SLC8A1: variants seen among roughly 807,000 people sequenced by gnomAD.
The protein encoded by SLC8A1 is solute carrier family 8 member A1.
In SLC8A1, 18 loss-of-function variants were observed where a neutral mutation model predicts 68.3. The ratio of observed to expected loss-of-function variants is 0.26; its 90% CI spans 0.18 to 0.39. The LOEUF (loss-of-function observed/expected upper bound fraction) is 0.39, where lower values mean the gene tolerates loss of function less well. SLC8A1 is among the 10% of genes least tolerant of loss of function. The pLI is 1.00. For synonymous variants in SLC8A1, 475 were observed against 415.5 expected (o/e 1.14, Z -1.74); for missense variants, 985 against 1,156.7 (o/e 0.85, Z 2.15).
intron 1 of SLC8A1, among the ~76,000 whole-genome samples, chr2:40,436,880 A>G (rs1447472457): frequency 6.6e-6 from 1 of 152,160 alleles, no homozygotes; most frequent in Non-Finnish European, 1.5e-5. Context: ...GAAGTTAGCC[A>G]GGTTTGTCCT....
At chr2:40,137,950 A>C (rs1484849337) in intron 7 of SLC8A1, among the ~76,000 whole-genome samples, 1 of 152,122 alleles carries the variant, frequency 6.6e-6, no homozygotes, top group African/African-American at 2.4e-5. Flanking sequence ...TGGATACTTC[A>C]TCCATGGTTA....
intron 2 of SLC8A1, among the ~76,000 whole-genome samples, chr2:40,249,115 C>T (rs1226346039): frequency 6.6e-6 from 1 of 152,148 alleles, no homozygotes; most frequent in African/African-American, 2.4e-5. Flanking sequence ...GTTTGAAGTT[C>T]ATCAAGTTCA....
chr2:40,457,028 G>A (rs1703063737), upstream of SLC8A1, among the ~76,000 whole-genome samples: 1 of 152,070 alleles, frequency 6.6e-6, no homozygotes, highest in South Asian at 2.1e-4. Context: ...CAATAATTCT[G>A]TTCCCTTATG....
chr2:40,142,412 G>C (rs1468550905), intron 6 of SLC8A1, among the ~76,000 whole-genome samples: 1 of 152,098 alleles, frequency 6.6e-6, no homozygotes, highest in African/African-American at 2.4e-5. Flanking sequence ...AGGTTTTCTA[G>C]TTATATTTAT....
At chr2:40,264,084 A>T (rs2065047952) in intron 2 of SLC8A1, among the ~76,000 whole-genome samples, 2 of 152,210 alleles carry the variant, frequency 1.3e-5, no homozygotes, top group African/African-American at 4.8e-5. Context: ...ATGCAGCCAG[A>T]AGACACATGA....
intron 1 of SLC8A1, among the ~76,000 whole-genome samples, chr2:40,440,367 A>T (rs1306044432): frequency 6.6e-6 from 1 of 152,200 alleles, no homozygotes; most frequent in African/African-American, 2.4e-5. Context: ...CTGGAGGAAG[A>T]AATTCTATTT....
At chr2:40,299,596 C>T (rs1246496915) in intron 2 of SLC8A1, among the ~76,000 whole-genome samples, 1 of 152,150 alleles carries the variant, frequency 6.6e-6, no homozygotes, top group African/African-American at 2.4e-5. Context: ...GATGTGCAAA[C>T]ATTTGGACTT....
intron 2 of SLC8A1, among the ~76,000 whole-genome samples, chr2:40,377,938 T>A (rs1680454325): frequency 6.6e-6 from 1 of 152,134 alleles, no homozygotes; most frequent in African/African-American, 2.4e-5. Flanking sequence ...GTCTTCTTAT[T>A]GTCTTATAAT....
chr2:40,137,868 G>A (rs1001540650), intron 7 of SLC8A1, among the ~76,000 whole-genome samples: 1 of 152,068 alleles, frequency 6.6e-6, no homozygotes, highest in African/African-American at 2.4e-5. Context: ...AGCATGTGGA[G>A]TCTTTAATCA....
chr2:40,292,949 A>G (rs554573759), intron 2 of SLC8A1, among the ~76,000 whole-genome samples: 1 of 152,232 alleles, frequency 6.6e-6, no homozygotes, highest in African/African-American at 2.4e-5. Context: ...GAAACCATAG[A>G]TCATGGGAAA....
At chr2:40,462,001 C>CTGTTTTTTTTTTTTTTTTTTTTTTTTTT (rs1703367702) in intron 1 of SLC8A1, among the ~76,000 whole-genome samples, 1 of 66,176 alleles carries the variant, frequency 1.5e-5, no homozygotes, top group Non-Finnish European at 2.9e-5. Flanking sequence ...TAAAATCCTC[C>CTGTTTTTTTTTTTTTTTTTTTTTTTTTT]TTTTTTTTTT....
At chr2:40,231,578 C>G (rs372356477) in intron 2 of SLC8A1, among the ~76,000 whole-genome samples, 4 of 152,224 alleles carry the variant, frequency 2.6e-5, no homozygotes, top group South Asian at 4.1e-4. Flanking sequence ...TTCCATCTAT[C>G]ATGAGTCTAG....
At chr2:40,429,066 A>G in exon 2 of SLC8A1, 1 of 1,612,036 alleles carries the variant, frequency 6.2e-7, no homozygotes, top group Non-Finnish European at 8.5e-7. Flanking sequence ...TCTTACTAAC[A>G]GGGTCATTTT....
At chr2:40,301,699 T>G (rs957594000) in intron 2 of SLC8A1, among the ~76,000 whole-genome samples, 1 of 152,200 alleles carries the variant, frequency 6.6e-6, no homozygotes, top group Non-Finnish European at 1.5e-5. Context: ...GGTGGATCAC[T>G]TGAGGTCCAG....
chr2:40,177,806 ACT>A lies in SLC8A1; in HGVS notation c.1856_1857del (p.Glu619ValfsTer8). On this transcript the variant is annotated frameshift_variant, in exon 3 of 8. Coordinates refer to ENST00000406785, the Ensembl canonical transcript of SLC8A1. LOFTEE classifies it high-confidence loss of function. ...TCCTCAAGCACAAGGGAGAAACTGCACTCTTTCTCATATTCCTCACGGTCAAA... is the reference window on the plus strand; with the variant it reads ...TCCTCAAGCACAAGGGAGAAACTGCACTTTCTCATATTCCTCACGGTCAAA... The A allele has an allele frequency of 1.3e-6, 2 of 1,551,332 alleles. No homozygotes were observed. The highest frequency in any genetic ancestry group is 2.0e-5 in the Admixed American group (1 of 50,976).
intron 2 of SLC8A1, among the ~76,000 whole-genome samples, chr2:40,399,239 G>A (rs992278622): frequency 2.0e-5 from 3 of 152,136 alleles, no homozygotes; most frequent in African/African-American, 7.2e-5. Context: ...GCAATCTGCA[G>A]CTAGCAACAT....
At chr2:40,500,225 C>T (rs1052743757) in intron 1 of SLC8A1, among the ~76,000 whole-genome samples, 4 of 152,072 alleles carry the variant, frequency 2.6e-5, no homozygotes, top group African/African-American at 9.7e-5. Context: ...ATTAAAATTT[C>T]TGGGTCAGAT....
At position 40,103,987 on chromosome 2, in the gene SLC8A1, CTAAAGG is replaced by C. The variant is rs1272571436; in HGVS notation, c.*11260_*11265del. 2.0e-5 allele frequency: 3 copies of C among 152,256 alleles called. No individual in the cohort carries two copies. The East Asian group carries it at 5.8e-4, about 29-fold the overall frequency. The allele number at this position is 152,256 out of a possible 1,614,324, so 9.4% of individuals were successfully genotyped here. On this transcript the variant is annotated 3_prime_UTR_variant, in exon 8 of 8. Coordinates refer to ENST00000406785, the Ensembl canonical transcript of SLC8A1. ...GCTTGATGTGTTCTGGAAAATCAAG[CTAAAGG>C]TAAAGTCTTCCCATTTAATGATGAG...
chr2:40,151,526 C>A (rs1425085374), intron 6 of SLC8A1, among the ~76,000 whole-genome samples: 4 of 152,082 alleles, frequency 2.6e-5, no homozygotes, highest in African/African-American at 9.7e-5. Context: ...ATTCTTCCTA[C>A]TTCTAAGAGG....
Sources: gnomAD v4.1 joint callset for allele counts (sites outside exome capture counted in the v4.1 genomes callset) on GRCh38, gnomAD v4.1.1 for gene constraint, MANE v1.5 for transcripts, NCBI Gene and HGNC (gene_info 2026-07-23, HGNC 2026-07-21) for gene names.